Variants in PHKA2 observed in about 807,000 individuals in gnomAD.
The protein encoded by PHKA2 is phosphorylase kinase regulatory subunit alpha 2.
Under a neutral mutation model 102.0 loss-of-function variants are expected in PHKA2, and 31 were observed. That is an observed-to-expected ratio of 0.30 (90% confidence interval 0.23 to 0.41). PHKA2 has a LOEUF of 0.41. PHKA2 is among the 10% of genes least tolerant of loss of function. PHKA2 has a pLI of 1.00. For missense variants in PHKA2, 858 were observed against 1,023.1 expected (o/e 0.84, Z 2.20); for synonymous variants, 455 against 416.2 (o/e 1.09, Z -1.13).
At position 18,954,386 on chromosome X, in the gene PHKA2, G is replaced by A. The variant is rs1210952661; in HGVS notation, c.105C>T (p.Ala35=). 8.3e-7 allele frequency: 1 copy of A among 1,211,570 alleles called. No individual in the cohort carries two copies. The highest frequency in any genetic ancestry group is 2.2e-5 in the Admixed American group (1 of 46,116). Residue 35 remains alanine, a synonymous_variant, in exon 2 of 33, where the codon GCC becomes GCT. Coordinates refer to ENST00000379942, the MANE Select transcript of PHKA2 (RefSeq NM_000292.3). ...CCCAGGCATCCTTCTGCTCATGGCT[G>A]GCTGACAGCAGCCCCGTGACGGGAT... ...YQNPVTGLLS[A]SHEQKDAWVR... is the part of the protein sequence containing the mutation.
rs1009942802 is a variant in PHKA2 at position 18,892,736 on chromosome X, G to C, written c.*749C>G. On this transcript the variant is annotated 3_prime_UTR_variant, in exon 33 of 33. Transcript: ENST00000379942. Reference sequence around the variant, plus strand: ...AACTGCTTGCCTGGCTATAAGAGGAGCCTTGTCTTTTTTTTTTTTTTTTTC... The same window carrying C: ...AACTGCTTGCCTGGCTATAAGAGGACCCTTGTCTTTTTTTTTTTTTTTTTC... 9.2e-6 allele frequency: 1 copy of C among 108,929 alleles called. No homozygotes were observed. Among genetic ancestry groups the C allele is most frequent in the Non-Finnish European group, 1.9e-5 (1 of 52,796 alleles). 9.0% of individuals were successfully genotyped at this position (108,929 alleles called of 1,213,427 possible).
At chrX:18,962,338 C>T (rs1014533482) in intron 1 of PHKA2, among the ~76,000 whole-genome samples, 3 of 111,943 alleles carry the variant, frequency 2.7e-5, no homozygotes, top group Non-Finnish European at 5.6e-5. Flanking sequence ...AGCAGAATGC[C>T]AAGGACTTGG....
intron 20 of PHKA2, among the ~76,000 whole-genome samples, chrX:18,910,642 G>C (rs760576959): frequency 8.9e-6 from 1 of 112,054 alleles, no homozygotes; most frequent in Non-Finnish European, 1.9e-5. Flanking sequence ...TTTTTCTACA[G>C]GCAAAATGTA....
chrX:18,973,322 A>C (rs1052398689), intron 1 of PHKA2, among the ~76,000 whole-genome samples: 1 of 111,997 alleles, frequency 8.9e-6, no homozygotes, highest in Non-Finnish European at 1.9e-5. Context: ...GTGCTTTTAA[A>C]ATCATTAATG....
chrX:18,911,575 C>T (rs2047927103), intron 19 of PHKA2, among the ~76,000 whole-genome samples: 1 of 112,190 alleles, frequency 8.9e-6, no homozygotes, highest in Non-Finnish European at 1.9e-5. Flanking sequence ...TCCCAAAGTG[C>T]TGGGATTATA....
At chrX:18,947,578 C>T (rs1023002470) in intron 5 of PHKA2, among the ~76,000 whole-genome samples, 1 of 112,188 alleles carries the variant, frequency 8.9e-6, no homozygotes, top group African/African-American at 3.2e-5. Context: ...ATATGCATCC[C>T]GTAGGACATG....
intron 1 of PHKA2, among the ~76,000 whole-genome samples, chrX:18,970,624 T>G (rs2049006826): frequency 8.9e-6 from 1 of 112,320 alleles, no homozygotes; most frequent in African/African-American, 3.2e-5. Context: ...ACATGTTTCC[T>G]TGGGCAGTGA....
At chrX:18,980,252 G>A (rs779378976) in intron 1 of PHKA2, among the ~76,000 whole-genome samples, 4 of 112,796 alleles carry the variant, frequency 3.5e-5, no homozygotes, top group Non-Finnish European at 7.5e-5. Flanking sequence ...CTGAGATATG[G>A]CCTCATGGGA....
At chrX:18,971,798 G>A (rs990845306) in intron 1 of PHKA2, among the ~76,000 whole-genome samples, 1 of 112,490 alleles carries the variant, frequency 8.9e-6, no homozygotes, top group Admixed American at 9.4e-5. Flanking sequence ...CTTTAACTGG[G>A]TGGGTCTAGC....
intron 1 of PHKA2, among the ~76,000 whole-genome samples, chrX:18,965,847 G>C (rs955809194): frequency 1.2e-4 from 13 of 111,469 alleles, no homozygotes; most frequent in African/African-American, 4.2e-4. Context: ...AAGCGACAAG[G>C]AACAATATGG....
chrX:18,957,047 T>A (rs1447009209), intron 1 of PHKA2, among the ~76,000 whole-genome samples: 1 of 112,411 alleles, frequency 8.9e-6, no homozygotes, highest in Non-Finnish European at 1.9e-5. Flanking sequence ...GGATTACAGA[T>A]GCCTGCCACC....
At chrX:18,941,372 G>A (rs770400896) in intron 8 of PHKA2, among the ~76,000 whole-genome samples, 157 bp downstream of exon 8, 1 of 111,483 alleles carries the variant, frequency 9.0e-6, no homozygotes, top group South Asian at 3.8e-4. Flanking sequence ...TAAATCACTC[G>A]GAGACTTTGT....
intron 11 of PHKA2, among the ~76,000 whole-genome samples, chrX:18,933,730 C>A (rs1274861683): frequency 8.9e-6 from 1 of 112,082 alleles, no homozygotes; most frequent in South Asian, 3.7e-4. Flanking sequence ...CAGCTGTCAT[C>A]TGGAAGGAGC....
rs781069071 is a variant in PHKA2 at position 18,910,869 on chromosome X, T to A, written c.2226+3A>T. 8.7e-7 allele frequency: 1 copy of A among 1,146,099 alleles called. No individual in the cohort carries two copies. The highest frequency in any genetic ancestry group is 1.2e-6 in the Non-Finnish European group (1 of 839,387). 94.5% of individuals were successfully genotyped at this position (1,146,099 alleles called of 1,213,427 possible). A position where few individuals can be genotyped will look rare whatever the true frequency, so the allele number is the denominator to read the frequency against. ...TTAAAAAAAGCTGTTCCATATACTT[T>A]ACCTTTTCTAGGAGTGGCTGAGGAG... On this transcript the variant is annotated splice_donor_region_variant and intron_variant, in intron 20 of 32. Transcript: ENST00000379942.
chrX:18,909,057 G>T, intron 20 of PHKA2, 123 bp from the exon 21 acceptor site: 1 of 886,346 alleles, frequency 1.1e-6, no homozygotes, highest in Non-Finnish European at 1.6e-6. Flanking sequence ...AGTTTTCAAT[G>T]ACTTTTTGTA....
intron 30 of PHKA2, chrX:18,895,500 G>A: frequency 3.2e-6 from 1 of 313,707 alleles, no homozygotes; most frequent in Non-Finnish European, 5.7e-6. Flanking sequence ...CCGGGCGGCT[G>A]CGAGGCCCCT....
In PHKA2 at chrX:18,908,013, T is replaced by C. The variant is rs144581707; in HGVS notation, c.2404A>G (p.Thr802Ala). 1.7e-6 allele frequency: 2 copies of C among 1,209,360 alleles called. No individual in the cohort carries two copies. The highest frequency in any genetic ancestry group is 2.2e-6 in the Non-Finnish European group (2 of 894,690). ...AGCTCACCAAGAAGGTTTTGAACGG[T>C]GACCCCGTGCTGTCCAGAGAGATTT... ...DTNLSGQHGV[T>A]VQNLLGELYG... The change falls in exon 22 of 33, where the codon ACC becomes GCC. Residue 802 changes from threonine (T) to alanine (A), a missense_variant. Transcript: ENST00000379942.
intron 7 of PHKA2, 62 bp from the exon 8 acceptor site, chrX:18,941,737 G>C: frequency 1.2e-6 from 1 of 824,663 alleles, no homozygotes; most frequent in Non-Finnish European, 1.8e-6. Context: ...AGTATCTAGG[G>C]ACCATGAGCT....
intron 1 of PHKA2, among the ~76,000 whole-genome samples, chrX:18,977,212 T>C (rs2049101522): frequency 9.0e-6 from 1 of 111,304 alleles, no homozygotes; most frequent in South Asian, 3.6e-4. Context: ...GCATCAGCAA[T>C]TGTTTGTTAT....
Sources: gnomAD v4.1 joint callset for allele counts (sites outside exome capture counted in the v4.1 genomes callset) on GRCh38, gnomAD v4.1.1 for gene constraint, MANE v1.5 for transcripts, NCBI Gene and HGNC (gene_info 2026-07-23, HGNC 2026-07-21) for gene names.